Variants in CORO2B observed in about 807,000 individuals in gnomAD.
The protein encoded by CORO2B is coronin 2B, also known as coronin-2B.
CORO2B carries 26 observed loss-of-function variants against 58.8 expected under a neutral mutation model. The ratio of observed to expected loss-of-function variants is 0.44; its 90% confidence interval spans 0.32 to 0.61. CORO2B has a LOEUF of 0.61. CORO2B is among the 20% of genes least tolerant of loss of function. CORO2B has a pLI of 0.04. For synonymous variants in CORO2B, 242 were observed against 253.8 expected (o/e 0.95, Z 0.44); for missense variants, 460 against 645.1 (o/e 0.71, Z 3.11).
intron 2 of CORO2B, among the ~76,000 whole-genome samples, chr15:68,675,952 T>C (rs1596006701): frequency 1.3e-5 from 2 of 151,772 alleles, no homozygotes; most frequent in South Asian, 2.1e-4. Flanking sequence ...TAATATAGTA[T>C]AATAATAGAA....
Position 68,630,278 on chromosome 15 carries a change from A to G in CORO2B, c.16-14882A>G, listed in dbSNP as rs148064961. On this transcript the variant is annotated intron_variant, in intron 1 of 11. Transcript: ENST00000261861. ...TGCAACGGGCAGCATGAACTTGACT[A>G]TCGCTCCCTCGACCCAAGTGGTCAT... is the stretch of plus-strand genomic sequence containing the variant. 1.7e-3 allele frequency among the ~76,000 whole-genome samples: 257 copies of G among 152,292 alleles called. 1 individual carries two copies. The highest frequency in any genetic ancestry group is 6.0e-3 in the African/African-American group (249 of 41,556).
intron 2 of CORO2B, among the ~76,000 whole-genome samples, chr15:68,681,680 G>A (rs947447016): frequency 6.6e-6 from 1 of 152,038 alleles, no homozygotes; most frequent in African/African-American, 2.4e-5. Flanking sequence ...CGTGCCCCTC[G>A]AGGGCCAGGC....
chr15:68,649,750 G>A (rs1424963150), intron 2 of CORO2B, among the ~76,000 whole-genome samples: 1 of 152,136 alleles, frequency 6.6e-6, no homozygotes, highest in African/African-American at 2.4e-5. Flanking sequence ...AGACAAAAAA[G>A]TTAATGAGAA....
At chr15:68,626,094 ATCTT>A (rs1900674180) in intron 1 of CORO2B, among the ~76,000 whole-genome samples, 2 of 152,100 alleles carry the variant, frequency 1.3e-5, no homozygotes, top group African/African-American at 2.4e-5. Flanking sequence ...TCATATGTAA[ATCTT>A]TCTGCACGGG....
At chr15:68,679,887 G>C (rs1267856347) in intron 2 of CORO2B, among the ~76,000 whole-genome samples, 1 of 152,188 alleles carries the variant, frequency 6.6e-6, no homozygotes, top group African/African-American at 2.4e-5. Context: ...CTCGGAGGTG[G>C]TGCATCTCCT....
chr15:68,648,827 G>A (rs1017415512), intron 2 of CORO2B, among the ~76,000 whole-genome samples: 7 of 152,170 alleles, frequency 4.6e-5, no homozygotes, highest in South Asian at 2.1e-4. Context: ...TACACTCTTC[G>A]TAAGACGTAA....
chr15:68,625,519 A>T (rs989152913), intron 1 of CORO2B, among the ~76,000 whole-genome samples: 3 of 151,912 alleles, frequency 2.0e-5, no homozygotes, highest in African/African-American at 7.3e-5. Context: ...TTTTTTCCAG[A>T]ATATTATATC....
At chr15:68,628,855 G>A (rs1900752527) in intron 1 of CORO2B, among the ~76,000 whole-genome samples, 1 of 152,214 alleles carries the variant, frequency 6.6e-6, no homozygotes, top group Non-Finnish European at 1.5e-5. Flanking sequence ...GAGGCTTTCT[G>A]CTGAGAGGGA....
At chr15:68,530,822 CT>C in the CORO2B span, among the ~76,000 whole-genome samples, 1 of 152,094 alleles carries the variant, frequency 6.6e-6, no homozygotes, top group Non-Finnish European at 1.5e-5. Context: ...TGAGTTCCTC[CT>C]TTTACTTAGA....
chr15:68,604,943 G>A (rs1566982891), intron 1 of CORO2B, among the ~76,000 whole-genome samples: 1 of 151,844 alleles, frequency 6.6e-6, no homozygotes, highest in Admixed American at 6.6e-5. Context: ...GTGAAACCCT[G>A]TGTCTACTAA....
chr15:68,629,219 C>A (rs1900761241), intron 1 of CORO2B, among the ~76,000 whole-genome samples: 1 of 152,242 alleles, frequency 6.6e-6, no homozygotes, highest in East Asian at 1.9e-4. Flanking sequence ...CTGAGAAAAG[C>A]ATTTAGATCA....
At chr15:68,600,456 A>G (rs1007117997) in intron 1 of CORO2B, among the ~76,000 whole-genome samples, 1 of 152,104 alleles carries the variant, frequency 6.6e-6, no homozygotes, top group Non-Finnish European at 1.5e-5. Flanking sequence ...CAGCATGGAT[A>G]ACCACCGCTG....
intron 2 of CORO2B, among the ~76,000 whole-genome samples, chr15:68,681,515 A>G (rs78100029): frequency 0.042 from 6,411 of 152,248 alleles, 306 homozygotes; most frequent in African/African-American, 0.11. Flanking sequence ...TGGTCATCCA[A>G]ATATTGGGAT....
chr15:68,608,380 G>C (rs925995797), intron 1 of CORO2B, among the ~76,000 whole-genome samples: 4 of 152,222 alleles, frequency 2.6e-5, no homozygotes, highest in African/African-American at 9.6e-5. Context: ...CCCACACTGT[G>C]GTCCCCTGGA....
chr15:68,545,862 T>C, the CORO2B span, among the ~76,000 whole-genome samples: 5 of 152,160 alleles, frequency 3.3e-5, no homozygotes, highest in Non-Finnish European at 7.4e-5. Context: ...GGTGTGGCTT[T>C]GGGAAAGCAG....
intron 2 of CORO2B, among the ~76,000 whole-genome samples, chr15:68,683,569 C>G (rs565875266): frequency 1.3e-5 from 2 of 152,200 alleles, no homozygotes; most frequent in Non-Finnish European, 2.9e-5. Context: ...TGCACCACCC[C>G]TCCCCCCACT....
Position 68,719,141 on chromosome 15 carries a change from T to C in CORO2B, c.1081-3T>C. 1.9e-6 allele frequency: 3 copies of C among 1,612,564 alleles called. No homozygotes were observed. The highest frequency in any genetic ancestry group is 1.1e-5 in the South Asian group (1 of 91,056). On this transcript the variant is annotated splice_region_variant and splice_polypyrimidine_tract_variant and intron_variant, in intron 9 of 11. Coordinates refer to ENST00000261861, the MANE Select transcript of CORO2B (RefSeq NM_006091.5). ...GTCCTCTCTTCTGCTCCTCCCACTG[T>C]AGTCAGATTCCTACCAGGAAGACAT...
At chr15:68,541,230 G>A in the CORO2B span, among the ~76,000 whole-genome samples, 7 of 26,670 alleles carry the variant, frequency 2.6e-4, no homozygotes, top group Non-Finnish European at 6.8e-4. Context: ...GCCAGACCCT[G>A]TCTCAAATAA....
the CORO2B span, among the ~76,000 whole-genome samples, chr15:68,549,036 CCATAAAGATA>C: frequency 6.6e-6 from 1 of 151,768 alleles, no homozygotes; most frequent in Non-Finnish European, 1.5e-5. Context: ...CTTTCCCAAA[CCATAAAGATA>C]CTCCTCTTCT....
Sources: gnomAD v4.1 joint callset for allele counts (sites outside exome capture counted in the v4.1 genomes callset) on GRCh38, gnomAD v4.1.1 for gene constraint, MANE v1.5 for transcripts, NCBI Gene and HGNC (gene_info 2026-07-23, HGNC 2026-07-21) for gene names.